SFI1: variants seen among roughly 807,000 people sequenced by gnomAD.
SFI1 encodes SFI1 centrin binding protein.
In SFI1, 195 loss-of-function variants were observed where a neutral mutation model predicts 207.5. The observed-to-expected ratio is 0.94, with a 90% CI of 0.84 to 1.06. The LOEUF (loss-of-function observed/expected upper bound fraction) is 1.06, where lower values mean the gene tolerates loss of function less well. Among genes scored for constraint, SFI1 ranks in the 50% least tolerant of loss-of-function variants. SFI1 has a pLI of 0.00. For synonymous variants in SFI1, 630 were observed against 598.9 expected (o/e 1.05, Z -0.76); for missense variants, 1,634 against 1,588.0 (o/e 1.03, Z -0.49).
chr22:31,593,565 A>G (rs12484184), intron 15 of SFI1, among the ~76,000 whole-genome samples: 4 of 119,664 alleles, frequency 3.3e-5, no homozygotes, highest in African/African-American at 1.3e-4. Flanking sequence ...GCGGCCAGGC[A>G]GAGACACTCC....
Position 31,508,361 on chromosome 22 carries a change from A to G in SFI1, c.77A>G (p.Lys26Arg), listed in dbSNP as rs1158161093. 6.2e-7 allele frequency: 1 copy of G among 1,612,496 alleles called. No homozygotes were observed. The highest frequency in any genetic ancestry group is 8.5e-7 in the Non-Finnish European group (1 of 1,178,990). The change falls in exon 2 of 33, where the codon AAG (lysine) becomes AGG (arginine). Residue 26 changes from lysine (K) to arginine (R), a missense_variant. Physicochemically the swap from Lys to Arg is conservative, Grantham distance 26. Coordinates refer to ENST00000400288, the MANE Select transcript of SFI1 (RefSeq NM_001007467.3). ...HQKVIKQRME[K>R]KVDSRYFKDG... ...AAAGTGATTAAGCAGAGAATGGAGA[A>G]GAAGGTTGATTCCAGGTGAGTGATG...
At chr22:31,577,142 C>A (rs1304798620) in intron 10 of SFI1, among the ~76,000 whole-genome samples, 1 of 152,144 alleles carries the variant, frequency 6.6e-6, no homozygotes, top group Non-Finnish European at 1.5e-5. Flanking sequence ...GAAAATATGT[C>A]TTTAAATATG....
intron 4 of SFI1, among the ~76,000 whole-genome samples, chr22:31,540,321 T>C (rs1461045989): frequency 1.3e-5 from 2 of 151,858 alleles, no homozygotes; most frequent in Non-Finnish European, 2.9e-5. Context: ...TCTTACTCTG[T>C]CACCCAGGCT....
At chr22:31,557,542 A>G (rs1294225539) in intron 7 of SFI1, among the ~76,000 whole-genome samples, 4 of 152,124 alleles carry the variant, frequency 2.6e-5, no homozygotes, top group Non-Finnish European at 5.9e-5. Flanking sequence ...AGATTTACTG[A>G]TAACTTGTTT....
At chr22:31,584,455 C>T (rs1340546132) in intron 13 of SFI1, among the ~76,000 whole-genome samples, 2 of 152,072 alleles carry the variant, frequency 1.3e-5, no homozygotes, top group Non-Finnish European at 2.9e-5. Context: ...TGCCTGGCCC[C>T]CTCCCTACAA....
At chr22:31,522,950 G>A (rs554239940) in intron 2 of SFI1, among the ~76,000 whole-genome samples, 10 of 152,166 alleles carry the variant, frequency 6.6e-5, no homozygotes, top group East Asian at 1.9e-4. Flanking sequence ...CACAGCACCC[G>A]GCCTTATTCC....
chr22:31,608,042 G>A lies in SFI1; in HGVS notation c.2254+9G>A. 1.9e-6 allele frequency: 3 copies of A among 1,611,934 alleles called. No individual in the cohort carries two copies. The highest frequency in any genetic ancestry group is 2.5e-6 in the Non-Finnish European group (3 of 1,178,328). ...GAAGGTGCTGGACAGGGGTAAGTGGGGCCCCAGAAGCAAGTCATGTTGAGG... is the reference window on the plus strand; with the variant it reads ...GAAGGTGCTGGACAGGGGTAAGTGGAGCCCCAGAAGCAAGTCATGTTGAGG... On this transcript the variant is annotated intron_variant, in intron 22 of 32. Transcript: ENST00000400288.
At chr22:31,576,597 C>T (rs558062838) in intron 10 of SFI1, among the ~76,000 whole-genome samples, 53 of 151,672 alleles carry the variant, frequency 3.5e-4, no homozygotes, top group Non-Finnish European at 5.9e-4. Flanking sequence ...CTGGGATTAC[C>T]GGCGTGAGCC....
At chr22:31,550,940 C>T (rs1232664750) in intron 6 of SFI1, among the ~76,000 whole-genome samples, 1 of 152,206 alleles carries the variant, frequency 6.6e-6, no homozygotes, top group Non-Finnish European at 1.5e-5. Context: ...AACTCCCCTA[C>T]CACTTACACC....
intron 15 of SFI1, among the ~76,000 whole-genome samples, chr22:31,594,209 G>A (rs552864606): frequency 6.6e-6 from 1 of 152,260 alleles, no homozygotes; most frequent in South Asian, 2.1e-4. Flanking sequence ...TTCCTGTTCT[G>A]CTAGACCTGG....
At chr22:31,523,001 A>G (rs563146235) in intron 2 of SFI1, among the ~76,000 whole-genome samples, 2 of 152,244 alleles carry the variant, frequency 1.3e-5, no homozygotes, top group Admixed American at 1.3e-4. Flanking sequence ...ACTGTACGCC[A>G]TTTTTTAAAT....
At chr22:31,593,215 C>T (rs1055234697) in intron 15 of SFI1, among the ~76,000 whole-genome samples, 27 of 150,818 alleles carry the variant, frequency 1.8e-4, no homozygotes, top group Non-Finnish European at 3.1e-4. Context: ...GGCTGCCGGG[C>T]GGAGGGGCTC....
chr22:31,536,505 G>A (rs1328886804), intron 4 of SFI1, among the ~76,000 whole-genome samples: 1 of 152,168 alleles, frequency 6.6e-6, no homozygotes, highest in African/African-American at 2.4e-5. Flanking sequence ...GCCACCTTCT[G>A]GGCTCAAGCA....
chr22:31,602,772 G>A lies in SFI1; in HGVS notation c.1792G>A (p.Gly598Arg). Reference protein sequence around the residue: ...AFCLWRESAQGLRTERTGRVR... With the variant: ...AFCLWRESAQRLRTERTGRVR... Reference sequence around the variant, plus strand: ...CTGCCTCTGGAGGGAAAGTGCCCAAGGGCTCAGAACAGAGTGAGTGGCCAG... The same window carrying A: ...CTGCCTCTGGAGGGAAAGTGCCCAAAGGCTCAGAACAGAGTGAGTGGCCAG... The change falls in exon 17 of 33, where the codon GGG (glycine) becomes AGG (arginine). Residue 598 changes from glycine to arginine, a missense_variant. By Grantham distance (125) the Gly-to-Arg change is moderately radical. Coordinates refer to ENST00000400288, the MANE Select transcript of SFI1 (RefSeq NM_001007467.3). The A allele has an allele frequency of 1.2e-6, 2 of 1,613,614 alleles. No homozygotes were observed. Among genetic ancestry groups the A allele is most frequent in the Non-Finnish European group, 1.7e-6 (2 of 1,180,000 alleles).
At chr22:31,606,534 G>A (rs898357321) in intron 21 of SFI1, 104 bp downstream of exon 21, 12 of 842,278 alleles carry the variant, frequency 1.4e-5, no homozygotes, top group Middle Eastern at 4.6e-4. Flanking sequence ...ACTGAATAAG[G>A]AACCTAGAAA....
At position 31,557,243 on chromosome 22, in the gene SFI1, A is replaced by G. The variant is rs998791041; in HGVS notation, c.662+184A>G. ...ACCCAGGTTGGAGTGTAGTGGCCCAATCTCAGCTTACTGCAACTTCCACCT... is the reference window on the plus strand; with the variant it reads ...ACCCAGGTTGGAGTGTAGTGGCCCAGTCTCAGCTTACTGCAACTTCCACCT... On this transcript the variant is annotated intron_variant, in intron 7 of 32. Coordinates refer to ENST00000400288, the MANE Select transcript of SFI1 (RefSeq NM_001007467.3). Among the ~76,000 whole-genome samples the G allele has an allele frequency of 3.9e-5, 6 of 151,974 alleles. No homozygotes were observed. The East Asian group carries it at 1.2e-3, about 29-fold the overall frequency.
chr22:31,541,154 C>G (rs906714360), intron 4 of SFI1, among the ~76,000 whole-genome samples: 1 of 152,158 alleles, frequency 6.6e-6, no homozygotes, highest in Non-Finnish European at 1.5e-5. Flanking sequence ...CCTCCTGATG[C>G]GTCTCATTTC....
chr22:31,547,371 C>T (rs1023999672), intron 5 of SFI1, among the ~76,000 whole-genome samples: 3 of 152,192 alleles, frequency 2.0e-5, no homozygotes, highest in African/African-American at 7.2e-5. Context: ...AGTGCAGTGG[C>T]ACGATCTTGG....
At position 31,613,914 on chromosome 22, in the gene SFI1, A is replaced by T. The variant is rs915945335; in HGVS notation, c.2996+59A>T. ...CACCCTGGGCAAAAGGTTGGATGGC[A>T]TAGCAGGGAGGAAAACAGCCCTGAC... On this transcript the variant is annotated intron_variant, in intron 27 of 32. Coordinates refer to ENST00000400288, the MANE Select transcript of SFI1 (RefSeq NM_001007467.3). The T allele has an allele frequency of 3.3e-6, 5 of 1,515,276 alleles. No individual in the cohort carries two copies. In the Admixed American group the frequency reaches 1.0e-4, roughly 31 times the overall value. 93.9% of individuals were successfully genotyped at this position (1,515,276 alleles called of 1,614,324 possible). A position where few individuals can be genotyped will look rare whatever the true frequency, so the allele number is the denominator to read the frequency against.
Sources: gnomAD v4.1 joint callset for allele counts (sites outside exome capture counted in the v4.1 genomes callset) on GRCh38, gnomAD v4.1.1 for gene constraint, MANE v1.5 for transcripts, NCBI Gene and HGNC (gene_info 2026-07-23, HGNC 2026-07-21) for gene names.